CRAMP1: variants seen among roughly 807,000 people sequenced by gnomAD.
CRAMP1 encodes the protein protein cramped-like.
Under a neutral mutation model 115.4 loss-of-function variants are expected in CRAMP1, and 50 were observed. The observed-to-expected ratio is 0.43, with a 90% CI of 0.35 to 0.55. CRAMP1 has a LOEUF of 0.55. Ranked by LOEUF, CRAMP1 falls within the 20% of genes least tolerant of loss-of-function variation. The probability of loss-of-function intolerance (pLI) is 0.01; values close to 1 mark genes in which losing one functional copy is unlikely to be tolerated. For synonymous variants in CRAMP1, 866 were observed against 745.4 expected (o/e 1.16, Z -2.64); for missense variants, 1,679 against 1,721.7 (o/e 0.98, Z 0.44).
At chr16:1,655,116 T>C (rs1419259743) in intron 8 of CRAMP1, 103 bp from the exon 9 acceptor site, 6 of 1,012,356 alleles carry the variant, frequency 5.9e-6, no homozygotes, top group Non-Finnish European at 9.3e-6. Flanking sequence ...AGAGGTCCCT[T>C]GTCTCTTTTG....
chr16:1,645,693 C>T (rs2036668678), intron 6 of CRAMP1, among the ~76,000 whole-genome samples: 1 of 152,144 alleles, frequency 6.6e-6, no homozygotes, highest in African/African-American at 2.4e-5. Context: ...TTCGTAGTGC[C>T]CCCAGAAGCC....
At chr16:1,645,656 C>T (rs1030567992) in intron 6 of CRAMP1, among the ~76,000 whole-genome samples, 5 of 152,264 alleles carry the variant, frequency 3.3e-5, no homozygotes, top group East Asian at 1.9e-4. Flanking sequence ...GTTCACTGCC[C>T]TGAACACCCT....
At position 1,666,711 on chromosome 16, in the gene CRAMP1, C is replaced by G. The variant is rs2036879690; in HGVS notation, c.3036+111C>G. ...TCCAGCTCTGCCTTTGGAGGAGAGT[C>G]TCTGGACCAGGGGTGCCATGGCATA... is the stretch of plus-strand genomic sequence containing the variant. On this transcript the variant is annotated intron_variant, in intron 16 of 20. Transcript: ENST00000397412. This position sits in a 1 kb window ranked among gnomAD's most constrained non-coding sequence, Gnocchi z 5.0. The G allele has an allele frequency of 6.7e-6, 7 of 1,038,888 alleles. No individual in the cohort carries two copies. Among genetic ancestry groups the G allele is most frequent in the Non-Finnish European group, 1.0e-5 (7 of 698,846 alleles). 64.4% of individuals were successfully genotyped at this position (1,038,888 alleles called of 1,614,324 possible).
Position 1,662,778 on chromosome 16 carries a change from C to A in CRAMP1, c.2613C>A (p.Phe871Leu). 6.2e-7 allele frequency: 1 copy of A among 1,613,934 alleles called. No individual in the cohort carries two copies. The highest frequency in any genetic ancestry group is 8.5e-7 in the Non-Finnish European group (1 of 1,179,892). Residue 871 changes from phenylalanine (F) to leucine (L), a missense_variant, in exon 13 of 21, where the codon TTC (phenylalanine) becomes TTA (leucine). Physicochemically the swap from Phe to Leu is conservative, Grantham distance 22. Coordinates refer to ENST00000397412, the MANE Select transcript of CRAMP1 (RefSeq NM_020825.4). ...CCTTACAGATGCAGTCGGATTTCTT[C>A]CTGCCAAAGCCCCGGAAGCTGCGGA... ...LNSISMQSDFFLPKPRKLRNR... is the reference protein window; with the variant it reads ...LNSISMQSDFLLPKPRKLRNR...
Position 1,668,202 on chromosome 16 carries a change from A to G in CRAMP1, c.3334+9A>G. The G allele has an allele frequency of 6.3e-7, 1 of 1,598,894 alleles. No individual in the cohort carries two copies. ...CAGCTCCGGTCAGTACGGTAAGGGCAGGGCGGCCTCACAGCCCTTCCTGTC... is the reference window on the plus strand; with the variant it reads ...CAGCTCCGGTCAGTACGGTAAGGGCGGGGCGGCCTCACAGCCCTTCCTGTC... On this transcript the variant is annotated intron_variant, in intron 18 of 20. Transcript: ENST00000397412.
At chr16:1,652,983 T>C (rs767802854) in intron 7 of CRAMP1, 50 bp from the exon 8 acceptor site, 1 of 1,607,920 alleles carries the variant, frequency 6.2e-7, no homozygotes, top group Admixed American at 1.7e-5. Flanking sequence ...CTTGGTTTTC[T>C]ACCTTAAGGT....
At chr16:1,659,646 C>G (rs1186705196) in intron 10 of CRAMP1, among the ~76,000 whole-genome samples, 1 of 152,192 alleles carries the variant, frequency 6.6e-6, no homozygotes, top group African/African-American at 2.4e-5. Context: ...CTCGGCCTCC[C>G]AAAGTGCTGG....
rs374812511 is a variant in CRAMP1, at chr16:1,656,183, C to T, written c.1426C>T (p.Pro476Ser). ...AGCTGAGGGCAAGGGTGTGGGGCGG[C>T]CCCCTCCTGCGGCTGACGCCTTGCA... Reference protein sequence around the residue: ...SGAEGKGVGRPPPAADALQSS... With the variant: ...SGAEGKGVGRSPPAADALQSS... Residue 476 changes from proline (P) to serine (S), a missense_variant, in exon 10 of 21, where the codon CCC (proline) becomes TCC (serine). Physicochemically the swap from Pro to Ser is moderately conservative, Grantham distance 74. Transcript: ENST00000397412. The surrounding 1 kb of genome is among the most constrained non-coding windows in gnomAD (Gnocchi z 5.6). 3 of 1,601,836 alleles carry T rather than the reference C, an allele frequency of 1.9e-6. No homozygotes were observed. Among genetic ancestry groups the T allele is most frequent in the Non-Finnish European group, 1.7e-6 (2 of 1,174,878 alleles).
rs1412544135 is a variant in CRAMP1, at chr16:1,614,781, G to A, written c.142G>A (p.Asp48Asn). The A allele has an allele frequency of 5.2e-6, 7 of 1,351,450 alleles. No individual in the cohort carries two copies. The highest frequency in any genetic ancestry group is 3.2e-5 in the East Asian group (1 of 31,554). The allele number at this position is 1,351,450 out of a possible 1,614,324, so 83.7% of individuals were successfully genotyped here. Residue 48 changes from aspartate (D) to asparagine (N), a missense_variant, in exon 2 of 21, where the codon GAC (aspartate) becomes AAC (asparagine). By Grantham distance (23) the Asp-to-Asn change is conservative (BLOSUM62 1). This residue lies in a region of CRAMP1 where 264 missense variants were observed against 229.7 expected (regional missense o/e 1.15). Transcript: ENST00000397412. This position sits in a 1 kb window ranked among gnomAD's most constrained non-coding sequence, Gnocchi z 4.4. ...CGAGGAGAGCAGCGGCACAAAGAGG[G>A]ACGAGAAGACCCCCCGGGCCGGCGC... ...AAEESSGTKR[D>N]EKTPRAGADG...
chr16:1,635,023 C>T (rs944830667), intron 4 of CRAMP1, among the ~76,000 whole-genome samples: 5 of 152,116 alleles, frequency 3.3e-5, no homozygotes, highest in Non-Finnish European at 5.9e-5. Flanking sequence ...CTCAGCCTCC[C>T]GAGTAGCTGG....
chr16:1,669,938 C>T lies in CRAMP1; in HGVS notation c.3500-726C>T, dbSNP rs2036908435. Among the ~76,000 whole-genome samples the T allele has an allele frequency of 6.6e-6, 1 of 152,136 alleles. No homozygotes were observed. The highest frequency in any genetic ancestry group is 6.6e-5 in the Admixed American group (1 of 15,264). ...TTTCCTTTTGTCTCATGTAGCAGTG[C>T]AGATGTTTGGAAAGTCACACGTAAA... is the stretch of plus-strand genomic sequence containing the variant. On this transcript the variant is annotated intron_variant, in intron 19 of 20. Transcript: ENST00000397412. The surrounding 1 kb of genome is among the most constrained non-coding windows in gnomAD (Gnocchi z 4.6).
Position 1,665,121 on chromosome 16 carries a change from C to A in CRAMP1, c.2735C>A (p.Ser912Tyr). 1 of 1,611,622 alleles carries A rather than the reference C, an allele frequency of 6.2e-7. No homozygotes were observed. ...SHNVCSFSIL[S>Y]NSSVTGRGSF... ...AACGTTTGTTCCTTCTCCATCCTGT[C>A]TAACTCTTCCGTAACTGGTAAGGAC... is the stretch of plus-strand genomic sequence containing the variant. Residue 912 changes from serine (S) to tyrosine (Y), a missense_variant, in exon 14 of 21, where the codon TCT becomes TAT. Transcript: ENST00000397412.
chr16:1,666,133 T>C lies in CRAMP1; in HGVS notation c.2813T>C (p.Ile938Thr), dbSNP rs1567461929. ...SLTKAALSRPIVPKVLPPQAT... is the reference protein window; with the variant it reads ...SLTKAALSRPTVPKVLPPQAT... ...ACCAAAGCAGCTCTGTCTCGGCCGA[T>C]CGTGCCCAAGGTCCTTCCACCCCAG... Residue 938 changes from isoleucine to threonine, a missense_variant, in exon 15 of 21, where the codon ATC (isoleucine) becomes ACC (threonine). By Grantham distance (89) the Ile-to-Thr change is moderately conservative. Transcript: ENST00000397412. The surrounding 1 kb of genome is among the most constrained non-coding windows in gnomAD (Gnocchi z 5.0). 6.2e-7 allele frequency: 1 copy of C among 1,611,424 alleles called. No homozygotes were observed. Among genetic ancestry groups the C allele is most frequent in the East Asian group, 2.2e-5 (1 of 44,784 alleles).
chr16:1,665,274 A>C, intron 14 of CRAMP1, 136 bp downstream of exon 14: 1 of 671,266 alleles, frequency 1.5e-6, no homozygotes, highest in Non-Finnish European at 2.7e-6. Context: ...CAAATACCTA[A>C]TGTGCCCTAT....
In CRAMP1 at chr16:1,666,548, G is replaced by T. The variant is rs1477638466; in HGVS notation, c.2984G>T (p.Gly995Val). Residue 995 changes from glycine to valine, a missense_variant, in exon 16 of 21, where the codon GGG becomes GTG. This residue lies in a region of CRAMP1 where 709 missense variants were observed against 741.9 expected (regional missense o/e 0.96). Coordinates refer to ENST00000397412, the MANE Select transcript of CRAMP1 (RefSeq NM_020825.4). This position sits in a 1 kb window ranked among gnomAD's most constrained non-coding sequence, Gnocchi z 5.0. ...SSDEVTGAIS[G>V]QDSTGTHQDG... ...GACGAGGTGACGGGTGCCATCTCGGGGCAGGACTCTACTGGAACTCACCAG... is the reference window on the plus strand; with the variant it reads ...GACGAGGTGACGGGTGCCATCTCGGTGCAGGACTCTACTGGAACTCACCAG... 6.2e-7 allele frequency: 1 copy of T among 1,613,950 alleles called. No homozygotes were observed. Among genetic ancestry groups the T allele is most frequent in the East Asian group, 2.2e-5 (1 of 44,868 alleles).
rs758021704 is a variant in CRAMP1, at chr16:1,669,128, C to T, written c.3462C>T (p.Pro1154=). ...CCACCCACGACCCCCAGTGGTACCCCAGTGACTCCACCGACTCCTCGCTCA... is the reference window on the plus strand; with the variant it reads ...CCACCCACGACCCCCAGTGGTACCCTAGTGACTCCACCGACTCCTCGCTCA... ...ASPTHDPQWY[P]SDSTDSSLSS... Residue 1154 remains proline (P), a synonymous_variant, in exon 19 of 21, where the codon CCC becomes CCT. Coordinates refer to ENST00000397412, the MANE Select transcript of CRAMP1 (RefSeq NM_020825.4). This position sits in a 1 kb window ranked among gnomAD's most constrained non-coding sequence, Gnocchi z 4.6. 5.0e-6 allele frequency: 8 copies of T among 1,609,058 alleles called. No homozygotes were observed. The East Asian group carries it at 1.1e-4, about 22-fold the overall frequency.
Position 1,668,125 on chromosome 16 carries a change from C to T in CRAMP1, c.3266C>T (p.Ser1089Leu). ...SLPGPPEDAL[S>L]QGEPATHISD... ...CCCGGCCCACCTGAGGATGCGCTGT[C>T]ACAGGGCGAGCCTGCCACACACATT... The change falls in exon 18 of 21, where the codon TCA becomes TTA. Residue 1089 changes from serine (S) to leucine (L), a missense_variant. Coordinates refer to ENST00000397412, the MANE Select transcript of CRAMP1 (RefSeq NM_020825.4). The T allele has an allele frequency of 6.2e-7, 1 of 1,613,578 alleles. No homozygotes were observed. The highest frequency in any genetic ancestry group is 8.5e-7 in the Non-Finnish European group (1 of 1,179,884).
chr16:1,662,376 C>T (rs60354228), intron 11 of CRAMP1, 114 bp from the exon 12 acceptor site: 4 of 811,044 alleles, frequency 4.9e-6, no homozygotes, highest in South Asian at 1.6e-5. Context: ...TCAAGGCAGC[C>T]GAACGGGTTG....
chr16:1,673,705 T>C (rs1180665050), intron 20 of CRAMP1, among the ~76,000 whole-genome samples, 176 bp from the exon 21 acceptor site: 1 of 151,984 alleles, frequency 6.6e-6, no homozygotes, highest in African/African-American at 2.4e-5. Context: ...ATCTAAAGAG[T>C]GTGCGGGCAG....
Sources: gnomAD v4.1 joint callset for allele counts (sites outside exome capture counted in the v4.1 genomes callset) on GRCh38, gnomAD v4.1.1 for gene constraint, gnomAD v4.1.1 regional missense constraint, Gnocchi (gnomAD v3.1) non-coding constraint, MANE v1.5 for transcripts, NCBI Gene and HGNC (gene_info 2026-07-23, HGNC 2026-07-21) for gene names.